The following NLRP5 variants were observed in gnomAD, a reference collection of about 807,000 sequenced individuals.
NLRP5 encodes NACHT, LRR and PYD domains-containing protein 5.
A neutral mutation model predicts 113.1 loss-of-function variants in NLRP5; 93 were observed. The ratio of observed to expected loss-of-function variants is 0.82; its 90% CI spans 0.70 to 0.98. The LOEUF (loss-of-function observed/expected upper bound fraction) is 0.98. Ranked by LOEUF, NLRP5 falls within the 50% of genes least tolerant of loss-of-function variation. The pLI, the probability that NLRP5 is intolerant of heterozygous loss-of-function variation, is 0.00. For synonymous variants in NLRP5, 751 were observed against 600.7 expected, an observed-to-expected ratio of 1.25 and a Z score of -3.66; for missense variants, 1,808 against 1,514.3, an observed-to-expected ratio of 1.19 and a Z score of -3.22.
the NLRP5 span, among the ~76,000 whole-genome samples, chr19:55,990,085 T>C: frequency 0.011 from 551 of 52,316 alleles, 11 homozygotes; most frequent in Middle Eastern, 0.025. Context: ...TTTTCTTTTT[T>C]TTTTTTTTTT....
At chr19:56,040,646 G>A (rs936841071) in intron 10 of NLRP5, among the ~76,000 whole-genome samples, 5 of 152,188 alleles carry the variant, frequency 3.3e-5, no homozygotes, top group Non-Finnish European at 5.9e-5. Context: ...ATAGCCATGT[G>A]GGGACTGGAA....
Position 56,027,191 on chromosome 19 carries a change from C to T in NLRP5, c.958C>T (p.Pro320Ser), listed in dbSNP as rs748098820. ...AATGTTCTCCTACGTCTTCTTCCTC[C>T]CCGTTAGAGAGATGCAGCGGAAGAA... The change falls in exon 7 of 15, where the codon CCC becomes TCC. Residue 320 changes from proline to serine, a missense_variant. Physicochemically the swap from Pro to Ser is moderately conservative, Grantham distance 74. Coordinates refer to ENST00000390649, the MANE Select transcript of NLRP5 (RefSeq NM_153447.4). The T allele has an allele frequency of 4.6e-5, 74 of 1,609,724 alleles. No homozygotes were observed. Among genetic ancestry groups the T allele is most frequent in the Non-Finnish European group, 5.9e-5 (70 of 1,178,164 alleles).
intron 10 of NLRP5, 73 bp from the exon 11 acceptor site, chr19:56,040,849 C>A: frequency 7.5e-7 from 1 of 1,329,062 alleles, no homozygotes; most frequent in Non-Finnish European, 1.1e-6. Flanking sequence ...CTTTCCCCTC[C>A]TTGTAAAGGA....
intron 14 of NLRP5, among the ~76,000 whole-genome samples, chr19:56,060,569 C>A: frequency 6.6e-6 from 1 of 152,028 alleles, no homozygotes; most frequent in East Asian, 1.9e-4. Context: ...ACTGTACCTC[C>A]CCAAACCCTA....
the NLRP5 span, among the ~76,000 whole-genome samples, chr19:55,989,580 C>T: frequency 7.2e-5 from 11 of 152,114 alleles, no homozygotes; most frequent in Admixed American, 7.2e-4. Flanking sequence ...GAAAGAGCAG[C>T]AATATGAGAA....
In NLRP5 at chr19:56,058,319, C is replaced by A. The variant is rs755796425; in HGVS notation, c.3379C>A (p.Leu1127Ile). The A allele has an allele frequency of 6.2e-7, 1 of 1,613,706 alleles. No individual in the cohort carries two copies. Among genetic ancestry groups the A allele is most frequent in the Non-Finnish European group, 8.5e-7 (1 of 1,179,738 alleles). ...TTCCTGCAACCGGCATCTGACCAGT[C>A]TAAACCTGGTGCAGAATAACTTCAG... is the stretch of plus-strand genomic sequence containing the variant. The change falls in exon 14 of 15, where the codon CTA becomes ATA. Residue 1127 changes from leucine to isoleucine, a missense_variant. Coordinates refer to ENST00000390649, the MANE Select transcript of NLRP5 (RefSeq NM_153447.4).
At chr19:55,995,465 A>G (rs377156229), upstream of NLRP5, among the ~76,000 whole-genome samples, 195 of 152,296 alleles carry the variant, frequency 1.3e-3, 1 homozygote, top group African/African-American at 4.4e-3. Context: ...CTGTTGGTCT[A>G]TGTCTGTTTT....
In NLRP5 at chr19:56,032,526, C is replaced by T. The variant is rs1983158658; in HGVS notation, c.2277-85C>T. 1.2e-5 allele frequency: 15 copies of T among 1,279,498 alleles called. 1 individual carries two copies. The highest frequency in any genetic ancestry group is 2.3e-4 in the Middle Eastern group (1 of 4,362). The allele number at this position is 1,279,498 out of a possible 1,614,324, so 79.3% of individuals were successfully genotyped here. ...CCACCGTGGTCTCACCTCGAGAGCTCGGTCCCTCTCCTCCGACGTGTTGCC... is the reference window on the plus strand; with the variant it reads ...CCACCGTGGTCTCACCTCGAGAGCTTGGTCCCTCTCCTCCGACGTGTTGCC... On this transcript the variant is annotated intron_variant, in intron 7 of 14. Coordinates refer to ENST00000390649, the MANE Select transcript of NLRP5 (RefSeq NM_153447.4).
chr19:56,008,966 C>T (rs1274568599), intron 3 of NLRP5, 113 bp downstream of exon 3: 3 of 876,800 alleles, frequency 3.4e-6, no homozygotes, highest in East Asian at 5.3e-5. Flanking sequence ...TCTTTCTAGT[C>T]TAACTACCCT....
At chr19:55,999,903 G>T (rs771676757) in intron 1 of NLRP5, 8 of 777,474 alleles carry the variant, frequency 1.0e-5, no homozygotes, top group Non-Finnish European at 1.8e-5. Context: ...TTAGCAATCC[G>T]TTGCAGCAGA....
chr19:56,038,911 A>C (rs1474060443), intron 10 of NLRP5, among the ~76,000 whole-genome samples: 3 of 152,140 alleles, frequency 2.0e-5, no homozygotes, highest in Non-Finnish European at 4.4e-5. Context: ...CTTGGGCCCA[A>C]GTGATCCTCC....
Position 56,053,648 on chromosome 19 carries a change from T to C in NLRP5, c.3139T>C (p.Cys1047Arg), listed in dbSNP as rs1471890380. 1.2e-6 allele frequency: 2 copies of C among 1,613,492 alleles called. No homozygotes were observed. The highest frequency in any genetic ancestry group is 1.7e-6 in the Non-Finnish European group (2 of 1,179,628). Residue 1047 changes from cysteine to arginine, a missense_variant, in exon 13 of 15, where the codon TGT becomes CGT. By Grantham distance (180) the Cys-to-Arg change is radical. Coordinates refer to ENST00000390649, the MANE Select transcript of NLRP5 (RefSeq NM_153447.4). ...CCCCGCCTCTTGCAGGTTGGTAAAGTGTCATCTCACCGCCGCGTGCTGTGA... is the reference window on the plus strand; with the variant it reads ...CCCCGCCTCTTGCAGGTTGGTAAAGCGTCATCTCACCGCCGCGTGCTGTGA...
chr19:56,048,529 A>G (rs964346361), intron 11 of NLRP5, among the ~76,000 whole-genome samples: 2 of 63,264 alleles, frequency 3.2e-5, no homozygotes, highest in African/African-American at 1.3e-4. Context: ...TGTTTTGTTC[A>G]AGGAACAAAC....
intron 6 of NLRP5, among the ~76,000 whole-genome samples, chr19:56,025,164 T>C (rs1982789686): frequency 6.6e-6 from 1 of 152,108 alleles, no homozygotes; most frequent in Admixed American, 6.5e-5. Context: ...TTATGGTGAG[T>C]TGTATGATTA....
At chr19:56,051,780 A>T (rs1221863873) in intron 12 of NLRP5, among the ~76,000 whole-genome samples, 2 of 152,234 alleles carry the variant, frequency 1.3e-5, no homozygotes, top group African/African-American at 2.4e-5. Context: ...CATCATGAGC[A>T]TAAATGATTT....
At chr19:56,019,998 G>A (rs1295737410) in intron 5 of NLRP5, among the ~76,000 whole-genome samples, 2 of 151,702 alleles carry the variant, frequency 1.3e-5, no homozygotes, top group South Asian at 2.1e-4. Flanking sequence ...CACTGTGCCC[G>A]ACTAATTTTT....
intron 2 of NLRP5, among the ~76,000 whole-genome samples, chr19:56,007,736 T>C (rs1210144482): frequency 6.8e-6 from 1 of 147,900 alleles, no homozygotes; most frequent in African/African-American, 2.6e-5. Flanking sequence ...CCAGAGGGGA[T>C]TGTGGAATAA....
chr19:56,053,853 T>TGG, intron 13 of NLRP5, 45 bp downstream of exon 13: 1 of 1,586,412 alleles, frequency 6.3e-7, no homozygotes, highest in Non-Finnish European at 8.6e-7. Flanking sequence ...TGGGAGGAGG[T>TGG]GGGGGACCCC....
chr19:56,048,210 T>A (rs1568500983), intron 11 of NLRP5, among the ~76,000 whole-genome samples: 1 of 152,208 alleles, frequency 6.6e-6, no homozygotes, highest in Non-Finnish European at 1.5e-5. Context: ...CCGTTTACAT[T>A]CAGTGTTAGG....
Sources: gnomAD v4.1 joint callset for allele counts (sites outside exome capture counted in the v4.1 genomes callset) on GRCh38, gnomAD v4.1.1 for gene constraint, MANE v1.5 for transcripts, NCBI Gene and HGNC (gene_info 2026-07-23, HGNC 2026-07-21) for gene names.